The following ADK variants were observed in gnomAD, a reference collection of about 807,000 sequenced individuals.
The protein encoded by ADK is adenosine kinase.
Under a neutral mutation model 44.7 loss-of-function variants are expected in ADK, and 24 were observed. The observed-to-expected ratio is 0.54, with a 90% CI of 0.39 to 0.76. ADK has a LOEUF of 0.76. Ranked by LOEUF, ADK falls within the 30% of genes least tolerant of loss-of-function variation. ADK has a pLI of 0.00. For missense variants in ADK, 321 were observed against 425.1 expected, an observed-to-expected ratio of 0.76 and a Z score of 2.15; for synonymous variants, 128 against 142.6, an observed-to-expected ratio of 0.90 and a Z score of 0.73.
At chr10:74,361,186 G>C (rs1256511221) in intron 4 of ADK, among the ~76,000 whole-genome samples, 1 of 152,236 alleles carries the variant, frequency 6.6e-6, no homozygotes, top group South Asian at 2.1e-4. Context: ...TTACAGGCGT[G>C]AGCCACTGCG....
chr10:74,217,376 C>G (rs1268973810), intron 2 of ADK, among the ~76,000 whole-genome samples: 1 of 152,262 alleles, frequency 6.6e-6, no homozygotes, highest in South Asian at 2.1e-4. Flanking sequence ...GAAGCTCCAA[C>G]TGGGTGGAGC....
rs904690376 is a variant in ADK at position 74,595,021 on chromosome 10, C to CA, written c.763-5351dup. 5.3e-5 allele frequency among the ~76,000 whole-genome samples: 8 copies of CA among 151,604 alleles called. No homozygotes were observed. In the East Asian group the frequency reaches 5.8e-4, roughly 11 times the overall value. ...TGAAACCCCATCTCCCCTTAAAATA[C>CA]AAAAAAATAGCCAGGTATGGTGGCA... On this transcript the variant is annotated intron_variant, in intron 8 of 10. Coordinates refer to ENST00000539909, the MANE Select transcript of ADK (RefSeq NM_006721.4).
At chr10:74,163,188 G>C (rs1283533425) in intron 1 of ADK, among the ~76,000 whole-genome samples, 1 of 152,028 alleles carries the variant, frequency 6.6e-6, no homozygotes, top group African/African-American at 2.4e-5. Context: ...GGATGTTCTC[G>C]ATCTCCTGAC....
chr10:74,599,455 C>G (rs913165204), intron 8 of ADK, among the ~76,000 whole-genome samples: 1 of 152,240 alleles, frequency 6.6e-6, no homozygotes, highest in South Asian at 2.1e-4. Context: ...TTTATTTATG[C>G]CACTCAGCTA....
intron 1 of ADK, among the ~76,000 whole-genome samples, chr10:74,189,799 C>T (rs1261104588): frequency 2.0e-5 from 3 of 152,118 alleles, no homozygotes; most frequent in African/African-American, 7.2e-5. Flanking sequence ...CTACCTTGTC[C>T]CTACAAATTT....
intron 9 of ADK, among the ~76,000 whole-genome samples, chr10:74,633,400 A>G (rs1289363537): frequency 6.6e-6 from 1 of 152,188 alleles, no homozygotes; most frequent in Non-Finnish European, 1.5e-5. Context: ...GTCTTTTGCT[A>G]CAACAAATAT....
chr10:74,423,092 C>T (rs76695829), intron 6 of ADK, among the ~76,000 whole-genome samples: 5,374 of 152,186 alleles, frequency 0.035, 343 homozygotes, highest in African/African-American at 0.12. Flanking sequence ...CCAAACACGC[C>T]GTCCTCATAT....
At chr10:74,680,932 A>G (rs939012285) in intron 10 of ADK, among the ~76,000 whole-genome samples, 2 of 152,242 alleles carry the variant, frequency 1.3e-5, no homozygotes, top group Admixed American at 6.5e-5. Context: ...TAAATGGCAA[A>G]TTAAAAACTG....
intron 4 of ADK, among the ~76,000 whole-genome samples, chr10:74,329,633 A>G (rs916808489): frequency 3.3e-5 from 5 of 152,310 alleles, no homozygotes; most frequent in Admixed American, 3.3e-4. Flanking sequence ...CTGGGAAACT[A>G]TGGTTTTAGA....
chr10:74,694,379 C>T (rs1856100229), intron 10 of ADK, among the ~76,000 whole-genome samples: 1 of 150,466 alleles, frequency 6.6e-6, no homozygotes, highest in Non-Finnish European at 1.5e-5. Context: ...AGTGAGGCCC[C>T]ATCTCTACCC....
chr10:74,231,406 TATG>T (rs1169180161), intron 3 of ADK, among the ~76,000 whole-genome samples: 1 of 152,214 alleles, frequency 6.6e-6, no homozygotes, highest in African/African-American at 2.4e-5. Context: ...TCTTTCTATG[TATG>T]ATATTTTCGC....
chr10:74,270,663 C>A (rs4459229), intron 3 of ADK, among the ~76,000 whole-genome samples: 99,463 of 152,094 alleles, frequency 0.65, 33,673 homozygotes, highest in Middle Eastern at 0.81. Context: ...AGCAATTGAA[C>A]GTAAGTACAG....
chr10:74,173,347 C>A (rs1404180417), intron 1 of ADK, among the ~76,000 whole-genome samples: 1 of 152,000 alleles, frequency 6.6e-6, no homozygotes, highest in Non-Finnish European at 1.5e-5. Flanking sequence ...CCCGCCTTGG[C>A]CTCCCAAAGT....
At chr10:74,277,381 C>CTTTTG (rs560507426) in intron 3 of ADK, among the ~76,000 whole-genome samples, 86 of 147,650 alleles carry the variant, frequency 5.8e-4, no homozygotes, top group African/African-American at 9.5e-4. Flanking sequence ...TTTTAAATTT[C>CTTTTG]TTTTGTTTTG....
intron 6 of ADK, among the ~76,000 whole-genome samples, chr10:74,494,252 C>T (rs1847599181): frequency 6.6e-6 from 1 of 152,094 alleles, no homozygotes; most frequent in Non-Finnish European, 1.5e-5. Flanking sequence ...ATCACCTCAC[C>T]TATCCAGGTT....
At chr10:74,325,842 T>G (rs1053275184) in intron 4 of ADK, among the ~76,000 whole-genome samples, 4 of 152,130 alleles carry the variant, frequency 2.6e-5, no homozygotes, top group African/African-American at 9.7e-5. Flanking sequence ...TGAATTATCT[T>G]GTTAATGTGC....
intron 2 of ADK, among the ~76,000 whole-genome samples, chr10:74,222,279 A>G (rs1021547137): frequency 1.8e-4 from 27 of 152,338 alleles, no homozygotes; most frequent in African/African-American, 6.5e-4. Context: ...ATCACTGGCC[A>G]TCAGAGAAAT....
chr10:74,470,101 T>C (rs1431203712), intron 6 of ADK, among the ~76,000 whole-genome samples: 1 of 149,472 alleles, frequency 6.7e-6, no homozygotes, highest in Non-Finnish European at 1.5e-5. Context: ...CTGAGCTCAC[T>C]GCAACCTCTG....
intron 7 of ADK, among the ~76,000 whole-genome samples, chr10:74,536,199 G>C (rs1490705551): frequency 1.3e-5 from 2 of 151,894 alleles, no homozygotes; most frequent in East Asian, 3.9e-4. Flanking sequence ...AATAATGCCT[G>C]ACATTTCTTT....
Sources: gnomAD v4.1 joint callset for allele counts (sites outside exome capture counted in the v4.1 genomes callset) on GRCh38, gnomAD v4.1.1 for gene constraint, MANE v1.5 for transcripts, NCBI Gene and HGNC (gene_info 2026-07-23, HGNC 2026-07-21) for gene names.